The following OTUD7A variants were observed in gnomAD, a reference collection of about 807,000 sequenced individuals.
OTUD7A encodes OTU deubiquitinase 7A, also known as OTU domain-containing protein 7A.
OTUD7A carries 12 observed loss-of-function variants against 65.7 expected under a neutral mutation model. The ratio of observed to expected loss-of-function variants is 0.18; its 90% confidence interval spans 0.12 to 0.30. The LOEUF is 0.30. OTUD7A is among the 10% of genes least tolerant of loss of function. The pLI, the probability that OTUD7A is intolerant of heterozygous loss-of-function variation, is 1.00. For synonymous variants in OTUD7A, 641 were observed against 586.3 expected, an observed-to-expected ratio of 1.09 and a Z score of -1.35; for missense variants, 1,148 against 1,304.8, an observed-to-expected ratio of 0.88 and a Z score of 1.85.
intron 1 of OTUD7A, among the ~76,000 whole-genome samples, chr15:31,669,191 G>C (rs1892412131): frequency 6.6e-6 from 1 of 152,222 alleles, no homozygotes; most frequent in Admixed American, 6.5e-5. Flanking sequence ...AAGAACCAGT[G>C]GTGGGTGGGG....
intron 3 of OTUD7A, among the ~76,000 whole-genome samples, chr15:31,635,403 G>A (rs978143949): frequency 8.5e-5 from 13 of 152,194 alleles, no homozygotes; most frequent in African/African-American, 2.9e-4. Flanking sequence ...TAAGACCTAG[G>A]GCTAGCGGAG....
rs577257471 is a variant in OTUD7A, at chr15:31,494,042, G to A, written c.1172-6476C>T. Among the ~76,000 whole-genome samples the A allele has an allele frequency of 7.2e-5, 11 of 152,352 alleles. 1 individual carries two copies. Among genetic ancestry groups the A allele is most frequent in the Middle Eastern group, 3.4e-3 (1 of 294 alleles). ...GCCAAGGCCAGCCCCTGAGGATCGG[G>A]CCCCTAGGCTGGGGCATCAGGGCCA... On this transcript the variant is annotated intron_variant, in intron 10 of 12. Coordinates refer to ENST00000307050, the MANE Select transcript of OTUD7A (RefSeq NM_001382637.1).
At chr15:31,589,574 A>AT (rs1314465625) in intron 3 of OTUD7A, among the ~76,000 whole-genome samples, 1 of 149,190 alleles carries the variant, frequency 6.7e-6, no homozygotes, top group African/African-American at 2.5e-5. Context: ...AAATGCTGGG[A>AT]TTACAGGTGT....
intron 3 of OTUD7A, among the ~76,000 whole-genome samples, chr15:31,653,970 G>A (rs1420461524): frequency 1.0e-5 from 1 of 97,768 alleles, no homozygotes; most frequent in East Asian, 3.1e-4. Context: ...CTTGTAAGGT[G>A]GGTTAAGCTC....
intron 1 of OTUD7A, among the ~76,000 whole-genome samples, chr15:31,808,136 CAA>C (rs1555420129): frequency 3.3e-5 from 4 of 119,418 alleles, no homozygotes; most frequent in Admixed American, 9.0e-5. Flanking sequence ...CACACACACA[CAA>C]ACAAATCCTC....
rs2041511228 is a variant in OTUD7A, at chr15:31,503,717, G to T, written c.995C>A (p.Thr332Lys). 1 of 1,614,118 alleles carries T rather than the reference G, an allele frequency of 6.2e-7. No individual in the cohort carries two copies. The highest frequency in any genetic ancestry group is 8.5e-7 in the Non-Finnish European group (1 of 1,180,020). The part of the protein sequence containing the change: ...LRRPIVVVAD[T>K]MLRDSGGEAF... ...TTCTCCACCTGAGTCTCTTAACATT[G>T]TATCTGCCACAACAACGATGGGCCT... The change falls in exon 9 of 13, where the codon ACA (threonine) becomes AAA (lysine). Residue 332 changes from threonine (T) to lysine (K), a missense_variant. Physicochemically the swap from Thr to Lys is moderately conservative, Grantham distance 78. Transcript: ENST00000307050.
intron 1 of OTUD7A, among the ~76,000 whole-genome samples, chr15:31,828,759 T>C (rs985981405): frequency 2.0e-5 from 3 of 152,162 alleles, no homozygotes; most frequent in Non-Finnish European, 4.4e-5. Context: ...CCTTCAAGGG[T>C]AGCACTGGCT....
intron 1 of OTUD7A, among the ~76,000 whole-genome samples, chr15:31,673,188 C>G (rs1479503232): frequency 6.6e-6 from 1 of 152,224 alleles, no homozygotes; most frequent in Non-Finnish European, 1.5e-5. Context: ...AGCTCCTTGA[C>G]TTATGATGGG....
intron 1 of OTUD7A, among the ~76,000 whole-genome samples, chr15:31,719,475 T>C (rs1269614714): frequency 1.3e-5 from 2 of 152,004 alleles, no homozygotes; most frequent in African/African-American, 4.8e-5. Flanking sequence ...AACTTTAACA[T>C]TTTTGACACC....
At chr15:31,641,189 C>T (rs1050929493) in intron 3 of OTUD7A, among the ~76,000 whole-genome samples, 4 of 151,976 alleles carry the variant, frequency 2.6e-5, no homozygotes, top group African/African-American at 9.7e-5. Flanking sequence ...CTGGCCTCTC[C>T]CCTGCTTGCA....
chr15:31,789,809 G>A (rs1895767481), intron 1 of OTUD7A, among the ~76,000 whole-genome samples: 1 of 150,600 alleles, frequency 6.6e-6, no homozygotes, highest in Non-Finnish European at 1.5e-5. Context: ...AGGTTCAAGC[G>A]ATTCTCCTGC....
chr15:31,805,260 A>C (rs1247365270), intron 1 of OTUD7A, among the ~76,000 whole-genome samples: 5 of 152,350 alleles, frequency 3.3e-5, no homozygotes, highest in African/African-American at 9.6e-5. Context: ...GTAATGAAAT[A>C]GAAAAGGCAG....
chr15:31,598,249 C>T (rs1389653941), intron 3 of OTUD7A, among the ~76,000 whole-genome samples: 2 of 152,314 alleles, frequency 1.3e-5, no homozygotes, highest in East Asian at 1.9e-4. Flanking sequence ...TGTGCAGTTC[C>T]CAGTGAGATC....
chr15:31,670,443 T>A (rs1479074217), intron 1 of OTUD7A, among the ~76,000 whole-genome samples: 1 of 152,128 alleles, frequency 6.6e-6, no homozygotes, highest in East Asian at 1.9e-4. Flanking sequence ...CCAGCATCTG[T>A]TGCTTCTTGG....
intron 5 of OTUD7A, among the ~76,000 whole-genome samples, chr15:31,536,628 G>A (rs1317083105): frequency 3.9e-5 from 6 of 152,130 alleles, no homozygotes; most frequent in African/African-American, 1.4e-4. Flanking sequence ...TAAAGAAAAC[G>A]TGTAAATACA....
At chr15:31,769,974 T>G (rs1895191534) in intron 1 of OTUD7A, among the ~76,000 whole-genome samples, 1 of 151,338 alleles carries the variant, frequency 6.6e-6, no homozygotes, top group African/African-American at 2.4e-5. Flanking sequence ...ATTCAAAAAA[T>G]AAAATTAAAA....
Position 31,527,330 on chromosome 15 carries a change from G to C in OTUD7A, c.653-22C>G, listed in dbSNP as rs1443127288. ...ATTCCTGGAGCCAGGAGGCCAGGGAGAACAGAGGAGAGAAAGGACATGAGA... is the reference window on the plus strand; with the variant it reads ...ATTCCTGGAGCCAGGAGGCCAGGGACAACAGAGGAGAGAAAGGACATGAGA... On this transcript the variant is annotated intron_variant, in intron 6 of 12. Coordinates refer to ENST00000307050, the MANE Select transcript of OTUD7A (RefSeq NM_001382637.1). 5 of 1,611,642 alleles carry C rather than the reference G, an allele frequency of 3.1e-6. No individual in the cohort carries two copies. In the South Asian group the frequency reaches 5.5e-5, roughly 18 times the overall value.
intron 3 of OTUD7A, among the ~76,000 whole-genome samples, chr15:31,571,370 G>A (rs1889048564): frequency 6.6e-6 from 1 of 152,184 alleles, no homozygotes; most frequent in Admixed American, 6.5e-5. Flanking sequence ...AAGGCGCAGA[G>A]GCCCATGGTG....
At chr15:31,725,574 G>A (rs1893862106) in intron 1 of OTUD7A, among the ~76,000 whole-genome samples, 1 of 152,190 alleles carries the variant, frequency 6.6e-6, no homozygotes, top group Non-Finnish European at 1.5e-5. Context: ...TCAGTGACCA[G>A]AAGGATAGAC....
Sources: allele counts gnomAD v4.1 joint callset (sites outside exome capture counted in the v4.1 genomes callset), GRCh38; gene constraint gnomAD v4.1.1; transcripts MANE v1.5; gene names NCBI Gene and HGNC (gene_info 2026-07-23, HGNC 2026-07-21).